Variants in PCDH15 observed in about 807,000 individuals in gnomAD.
PCDH15 encodes the protein protocadherin related 15, also known as protocadherin-15.
In PCDH15, 129 loss-of-function variants were observed where a neutral mutation model predicts 178.5. The observed-to-expected ratio is 0.72, with a 90% CI of 0.63 to 0.84. The LOEUF is 0.84. PCDH15 is among the 40% of genes least tolerant of loss of function. PCDH15 has a pLI of 0.00. For missense variants in PCDH15, 2,230 were observed against 2,099.9 expected (o/e 1.06, Z -1.21); for synonymous variants, 800 against 732.0 (o/e 1.09, Z -1.50).
chr10:54,978,394 G>T, intron 2 of PCDH15, among the ~76,000 whole-genome samples: 1 of 152,086 alleles, frequency 6.6e-6, no homozygotes, highest in East Asian at 1.9e-4. Context: ...AATGAGGGTA[G>T]AGATAATTTT....
chr10:54,394,354 A>T (rs1275382864), intron 3 of PCDH15, among the ~76,000 whole-genome samples: 1 of 152,122 alleles, frequency 6.6e-6, no homozygotes. Context: ...CCAGCTTGAG[A>T]AGTAAAGGGA....
chr10:54,058,528 C>G lies in PCDH15; in HGVS notation c.2220+8229G>C, dbSNP rs183775484. ...ACCTGCCCTGATGATTCAGTCACCT[C>G]CCACCTGGTCCTTTCCACGACGTGT... On this transcript the variant is annotated intron_variant, in intron 18 of 37. Coordinates refer to ENST00000644397, the MANE Select transcript of PCDH15 (RefSeq NM_001384140.1). Among the ~76,000 whole-genome samples the G allele has an allele frequency of 3.3e-5, 5 of 152,204 alleles. No homozygotes were observed. In the East Asian group the frequency reaches 9.7e-4, roughly 30 times the overall value.
chr10:54,303,447 C>T (rs2060270793), intron 8 of PCDH15, among the ~76,000 whole-genome samples: 1 of 151,852 alleles, frequency 6.6e-6, no homozygotes, highest in Non-Finnish European at 1.5e-5. Flanking sequence ...TATATATGCA[C>T]ACACATACAC....
intron 26 of PCDH15, among the ~76,000 whole-genome samples, chr10:53,877,842 T>C (rs1239541280): frequency 6.6e-6 from 1 of 152,122 alleles, no homozygotes; most frequent in Admixed American, 6.6e-5. Context: ...ATTTCTCAGT[T>C]CTGTATAATA....
intron 13 of PCDH15, among the ~76,000 whole-genome samples, chr10:54,174,881 T>A (rs2047294559): frequency 6.6e-6 from 1 of 151,946 alleles, no homozygotes; most frequent in African/African-American, 2.4e-5. Flanking sequence ...GATAGTGTAA[T>A]CAAACTTGGA....
At position 54,622,714 on chromosome 10, in the gene PCDH15, T is replaced by TA. The variant is rs571369418; in HGVS notation, c.91+41457dup. On this transcript the variant is annotated intron_variant, in intron 2 of 37. Transcript: ENST00000644397. ...TAATATATATTTTCTATATATTATA[T>TA]ATAATATATATTATATAATTATATA... 4.5e-4 allele frequency among the ~76,000 whole-genome samples: 14 copies of TA among 31,406 alleles called. 1 individual carries two copies. Among genetic ancestry groups the TA allele is most frequent in the African/African-American group, 1.7e-3 (14 of 8,014 alleles). The allele number at this position is 31,406 out of a possible 152,430, so 20.6% of individuals were successfully genotyped here.
chr10:54,286,222 AT>A (rs1460831154), intron 8 of PCDH15, among the ~76,000 whole-genome samples: 1 of 152,346 alleles, frequency 6.6e-6, no homozygotes, highest in East Asian at 1.9e-4. Flanking sequence ...CACAAACAAA[AT>A]GATAACTGTG....
At chr10:54,093,468 TC>T (rs1199020601) in intron 15 of PCDH15, among the ~76,000 whole-genome samples, 2 of 152,172 alleles carry the variant, frequency 1.3e-5, no homozygotes, top group Admixed American at 1.3e-4. Flanking sequence ...GACAATATCA[TC>T]TTTCTTTGTC....
intron 2 of PCDH15, among the ~76,000 whole-genome samples, chr10:55,556,853 G>GT (rs1018081220): frequency 6.6e-6 from 1 of 151,978 alleles, no homozygotes; most frequent in African/African-American, 2.4e-5. Context: ...AAACAAAAAA[G>GT]TTTTTTACAT....
intron 2 of PCDH15, among the ~76,000 whole-genome samples, chr10:55,501,065 G>T (rs1287053240): frequency 1.3e-5 from 2 of 151,782 alleles, no homozygotes; most frequent in African/African-American, 4.8e-5. Context: ...TTAAGATGAG[G>T]TCATTAGAGT....
At chr10:54,310,278 A>G (rs115322769) in intron 8 of PCDH15, among the ~76,000 whole-genome samples, 2,602 of 152,216 alleles carry the variant, frequency 0.017, 70 homozygotes, top group African/African-American at 0.052. Flanking sequence ...CATTGTATTG[A>G]AAAACAAAAA....
chr10:55,595,808 A>C (rs935048509), intron 2 of PCDH15, among the ~76,000 whole-genome samples: 1 of 152,222 alleles, frequency 6.6e-6, no homozygotes, highest in East Asian at 1.9e-4. Flanking sequence ...TTTGGAAAAT[A>C]TATTAAACAT....
intron 2 of PCDH15, among the ~76,000 whole-genome samples, chr10:55,097,735 G>C (rs1453511432): frequency 2.6e-5 from 4 of 152,044 alleles, no homozygotes; most frequent in African/African-American, 9.7e-5. Context: ...TGGATAGATA[G>C]ATAAAACAGA....
intron 1 of PCDH15, among the ~76,000 whole-genome samples, chr10:54,759,978 G>A (rs1031411128): frequency 6.6e-6 from 1 of 152,134 alleles, no homozygotes. Flanking sequence ...CCCATGTATA[G>A]GGCGAGTAAG....
chr10:54,422,857 C>A (rs1421839568), intron 3 of PCDH15, among the ~76,000 whole-genome samples: 1 of 152,008 alleles, frequency 6.6e-6, no homozygotes, highest in Non-Finnish European at 1.5e-5. Context: ...GTGCTAATAG[C>A]CTATAATATA....
intron 2 of PCDH15, among the ~76,000 whole-genome samples, chr10:55,358,940 C>T (rs1054912456): frequency 2.6e-5 from 4 of 151,842 alleles, no homozygotes; most frequent in Non-Finnish European, 4.4e-5. Flanking sequence ...GCCTGTAGTC[C>T]CAGCGCTTTA....
chr10:54,108,513 C>G (rs2094957179), intron 15 of PCDH15, among the ~76,000 whole-genome samples: 2 of 152,164 alleles, frequency 1.3e-5, no homozygotes. Context: ...CTTCCCACCA[C>G]AGGCTAAAGG....
rs925002575 is a variant in PCDH15 at position 54,368,727 on chromosome 10, C to T, written c.474+393G>A. 5.9e-5 allele frequency among the ~76,000 whole-genome samples: 9 copies of T among 151,764 alleles called. No individual in the cohort carries two copies. In the East Asian group the frequency reaches 9.7e-4, roughly 16 times the overall value. ...GAAAATAACTTTACATTTATAGAAC[C>T]GCAGACATTTTCTTCCAGTATTTAA... On this transcript the variant is annotated intron_variant, in intron 5 of 37. Coordinates refer to ENST00000644397, the MANE Select transcript of PCDH15 (RefSeq NM_001384140.1).
At chr10:55,060,189 T>C (rs776457845) in intron 2 of PCDH15, among the ~76,000 whole-genome samples, 37 of 152,080 alleles carry the variant, frequency 2.4e-4, no homozygotes, top group Non-Finnish European at 4.0e-4. Context: ...TATTACTACA[T>C]TAAATAGTCT....
Sources: gnomAD v4.1 joint callset for allele counts (sites outside exome capture counted in the v4.1 genomes callset) on GRCh38, gnomAD v4.1.1 for gene constraint, MANE v1.5 for transcripts, NCBI Gene and HGNC (gene_info 2026-07-23, HGNC 2026-07-21) for gene names.